Variants in SCUBE2 observed in about 807,000 individuals in gnomAD.
SCUBE2 encodes signal peptide, CUB and EGF-like domain-containing protein 2.
Under a neutral mutation model 125.9 loss-of-function variants are expected in SCUBE2, and 114 were observed. That is an observed-to-expected ratio of 0.91 (90% CI 0.78 to 1.06). SCUBE2 has a LOEUF of 1.06. Ranked by LOEUF, SCUBE2 falls within the 50% of genes least tolerant of loss-of-function variation. The pLI, the probability that SCUBE2 is intolerant of heterozygous loss-of-function variation, is 0.00. For missense variants in SCUBE2, 1,255 were observed against 1,301.8 expected (o/e 0.96, Z 0.55); for synonymous variants, 459 against 492.9 (o/e 0.93, Z 0.91).
chr11:9,029,975 G>GT lies in SCUBE2; in HGVS notation c.2411dup (p.Tyr804Ter). The change falls in exon 19 of 23, where the codon TAC becomes TAAC. Residue 804 changes from tyrosine (Y) to a stop codon, truncating the protein, a stop_gained and frameshift_variant. Coordinates refer to ENST00000649792, the MANE Select transcript of SCUBE2 (RefSeq NM_001367977.2). LOFTEE classifies it high-confidence loss of function. ...HRCIRCPVGT[Y>*]QPEFGKNNCV... ...AATTATTTTTTCCAAATTCAGGCTG[G>GT]TATGTTCCCACTGGGCAACGAATAC... The GT allele has an allele frequency of 6.2e-7, 1 of 1,614,180 alleles. No homozygotes were observed. The highest frequency in any genetic ancestry group is 8.5e-7 in the Non-Finnish European group (1 of 1,180,036).
At chr11:9,088,887 C>T (rs533726324) in intron 2 of SCUBE2, among the ~76,000 whole-genome samples, 1 of 152,310 alleles carries the variant, frequency 6.6e-6, no homozygotes, top group East Asian at 1.9e-4. Flanking sequence ...GACTTTCTTT[C>T]ACTTGCAGGC....
At position 9,059,287 on chromosome 11, in the gene SCUBE2, TG is replaced by T. The variant is rs1198773830; in HGVS notation, c.1090+15del. On this transcript the variant is annotated intron_variant, in intron 9 of 22. Coordinates refer to ENST00000649792, the MANE Select transcript of SCUBE2 (RefSeq NM_001367977.2). ...TGTGGGCCATTGCGCAGCACAGCTA[TG>T]TTTTCAGCACATACCTTGGCAAGAC... 1 of 1,613,128 alleles carries T rather than the reference TG, an allele frequency of 6.2e-7. No individual in the cohort carries two copies. The highest frequency in any genetic ancestry group is 2.2e-5 in the East Asian group (1 of 44,884).
chr11:9,089,812 G>C lies in SCUBE2; in HGVS notation c.151C>G (p.Gln51Glu). 6.2e-7 allele frequency: 1 copy of C among 1,613,770 alleles called. No homozygotes were observed. Among genetic ancestry groups the C allele is most frequent in the Non-Finnish European group, 8.5e-7 (1 of 1,179,862 alleles). ...TCGGCATGGCAGTCATCTAGCCCTT[G>C]GGCACACTCATCTACATCTGCAAAA... ...GPQEDVDECA[Q>E]GLDDCHADAL... is the part of the protein sequence containing the mutation. The change falls in exon 2 of 23, where the codon CAA becomes GAA. Residue 51 changes from glutamine (Q) to glutamate (E), a missense_variant. By Grantham distance (29) the Gln-to-Glu change is conservative (BLOSUM62 2). This residue lies in a region of SCUBE2 where 362 missense variants were observed against 323.0 expected (regional missense o/e 1.12). Transcript: ENST00000649792.
At chr11:9,057,974 CACCCAAA>C (rs1345884198) in intron 9 of SCUBE2, among the ~76,000 whole-genome samples, 1 of 152,206 alleles carries the variant, frequency 6.6e-6, no homozygotes, top group Admixed American at 6.5e-5. Context: ...AGCTTTCCCC[CACCCAAA>C]ACAGCTGCTA....
intron 2 of SCUBE2, among the ~76,000 whole-genome samples, chr11:9,080,683 T>C (rs1337927667): frequency 1.3e-5 from 2 of 151,898 alleles, no homozygotes; most frequent in Non-Finnish European, 2.9e-5. Flanking sequence ...GAAAAATCTT[T>C]AAGACATTGG....
chr11:9,077,971 C>T (rs1333462685), intron 3 of SCUBE2, among the ~76,000 whole-genome samples: 1 of 152,206 alleles, frequency 6.6e-6, no homozygotes, highest in Non-Finnish European at 1.5e-5. Context: ...CCTTATACTA[C>T]CCCCCGCCAC....
chr11:9,030,686 G>A, intron 18 of SCUBE2, 72 bp downstream of exon 18: 1 of 1,488,456 alleles, frequency 6.7e-7, no homozygotes, highest in Non-Finnish European at 9.2e-7. Flanking sequence ...CTTGACTGGA[G>A]CCTCACGAGA....
At chr11:9,066,564 A>G (rs770393031) in intron 6 of SCUBE2, 133 bp downstream of exon 6, 10 of 724,698 alleles carry the variant, frequency 1.4e-5, no homozygotes, top group Non-Finnish European at 2.1e-5. Flanking sequence ...TAGCATGCGA[A>G]GCAGCACAGG....
Position 9,091,464 on chromosome 11 carries a change from A to AGCAGCG in SCUBE2, c.64_65insCGCTGC (p.Leu21_Leu22insProLeu). The AGCAGCG allele has an allele frequency of 1.0e-5, 4 of 391,862 alleles. No homozygotes were observed. The South Asian group carries it at 2.5e-4, about 25-fold the overall frequency. The allele number at this position is 391,862 out of a possible 1,614,324, so 24.3% of individuals were successfully genotyped here. On this transcript the variant is annotated inframe_insertion, in exon 1 of 23. Coordinates refer to ENST00000649792, the MANE Select transcript of SCUBE2 (RefSeq NM_001367977.2). The surrounding 1 kb of genome is among the most constrained non-coding windows in gnomAD (Gnocchi z 8.5). ...CCCCGCCAGCAGCAGCAGTGGCGGC[A>AGCAGCG]GCAGCAGCAGCAGCAGCAGCACCGC...
intron 16 of SCUBE2, among the ~76,000 whole-genome samples, chr11:9,039,802 C>T (rs1460974880): frequency 6.6e-6 from 1 of 152,124 alleles, no homozygotes; most frequent in Non-Finnish European, 1.5e-5. Flanking sequence ...ACAACTCGGG[C>T]GCAGGGCACT....
intron 16 of SCUBE2, among the ~76,000 whole-genome samples, chr11:9,042,221 T>C (rs1199628287): frequency 6.6e-6 from 1 of 152,020 alleles, no homozygotes; most frequent in Non-Finnish European, 1.5e-5. Context: ...AAATCACAGC[T>C]CTCCCTGGCT....
intron 21 of SCUBE2, among the ~76,000 whole-genome samples, chr11:9,022,337 A>C (rs1037203929): frequency 1.1e-4 from 16 of 152,176 alleles, no homozygotes; most frequent in African/African-American, 3.9e-4. Flanking sequence ...CCAGCATGCA[A>C]AAATGCTGTA....
chr11:9,090,062 G>A (rs1334142402), intron 1 of SCUBE2, among the ~76,000 whole-genome samples: 1 of 152,104 alleles, frequency 6.6e-6, no homozygotes, highest in Non-Finnish European at 1.5e-5. Context: ...TCAGGACTTA[G>A]CTCAAATCCA....
In SCUBE2 at chr11:9,091,315, C is replaced by G; in HGVS notation, c.133+81G>C. The G allele has an allele frequency of 1.9e-6, 2 of 1,053,036 alleles. No individual in the cohort carries two copies. The highest frequency in any genetic ancestry group is 2.4e-6 in the Non-Finnish European group (2 of 828,964). 65.2% of individuals were successfully genotyped at this position (1,053,036 alleles called of 1,614,324 possible). A position where few individuals can be genotyped will look rare whatever the true frequency, so the allele number is the denominator to read the frequency against. On this transcript the variant is annotated intron_variant, in intron 1 of 22. Transcript: ENST00000649792. The surrounding 1 kb of genome is among the most constrained non-coding windows in gnomAD (Gnocchi z 8.5). ...CCAGCCCCGAGCCCCGCGCGCCCGG[C>G]TCTGGACTCCGCCGGGGACCTAAAC...
In SCUBE2 at chr11:9,020,318, G is replaced by T. The variant is rs1855198865; in HGVS notation, c.*727C>A. 6.6e-6 allele frequency: 1 copy of T among 152,416 alleles called. No individual in the cohort carries two copies. Among genetic ancestry groups the T allele is most frequent in the Non-Finnish European group, 1.5e-5 (1 of 68,084 alleles). The allele number at this position is 152,416 out of a possible 1,614,324, so 9.4% of individuals were successfully genotyped here. On this transcript the variant is annotated 3_prime_UTR_variant, in exon 23 of 23. Transcript: ENST00000649792. ...AGAGGGCACAGCTGAAGGTGCGAGA[G>T]TCAGCATAGTGCATTTGCTGCAGGG...
intron 17 of SCUBE2, among the ~76,000 whole-genome samples, chr11:9,031,830 A>G (rs1477179633): frequency 2.0e-5 from 3 of 151,960 alleles, no homozygotes; most frequent in South Asian, 2.1e-4. Flanking sequence ...ATTCTTAATC[A>G]TCTCTCCTCT....
rs370883793 is a variant in SCUBE2 at position 9,027,441 on chromosome 11, C to A, written c.2624G>T (p.Arg875Leu). The A allele has an allele frequency of 1.9e-6, 3 of 1,614,004 alleles. No homozygotes were observed. The highest frequency in any genetic ancestry group is 2.5e-6 in the Non-Finnish European group (3 of 1,180,000). Reference sequence around the variant, plus strand: ...GATCTCAGGGACCACGATCAGGATGCGGCGCTTGGGGGGTGGGTTGATGGT... The same window carrying A: ...GATCTCAGGGACCACGATCAGGATGAGGCGCTTGGGGGGTGGGTTGATGGT... ...TWTINPPPKR[R>L]ILIVVPEIFL... The change falls in exon 20 of 23, where the codon CGC becomes CTC. Residue 875 changes from arginine to leucine, a missense_variant. Transcript: ENST00000649792.
At chr11:9,074,908 A>T (rs897554710) in intron 3 of SCUBE2, among the ~76,000 whole-genome samples, 2 of 152,204 alleles carry the variant, frequency 1.3e-5, no homozygotes, top group Non-Finnish European at 2.9e-5. Context: ...CAAAATATAG[A>T]TAAGGAAGAT....
At chr11:9,052,112 A>G (rs752963677) in intron 13 of SCUBE2, among the ~76,000 whole-genome samples, 3 of 152,238 alleles carry the variant, frequency 2.0e-5, no homozygotes, top group Non-Finnish European at 4.4e-5. Context: ...GGCTTAAGTC[A>G]GTTAATTCGT....
Sources: gnomAD v4.1 joint callset for allele counts (sites outside exome capture counted in the v4.1 genomes callset) on GRCh38, gnomAD v4.1.1 for gene constraint, gnomAD v4.1.1 regional missense constraint, Gnocchi (gnomAD v3.1) non-coding constraint, MANE v1.5 for transcripts, NCBI Gene and HGNC (gene_info 2026-07-23, HGNC 2026-07-21) for gene names.